Variants in SDC2 observed in about 807,000 individuals in gnomAD.
SDC2 encodes the protein syndecan-2.
Under a neutral mutation model 22.2 loss-of-function variants are expected in SDC2, and 13 were observed. The ratio of observed to expected loss-of-function variants is 0.59; its 90% CI spans 0.38 to 0.93. The LOEUF (loss-of-function observed/expected upper bound fraction) is 0.93. SDC2 is among the 40% of genes least tolerant of loss of function. The pLI is 0.00. For missense variants in SDC2, 235 were observed against 246.8 expected (o/e 0.95, Z 0.32); for synonymous variants, 94 against 92.8 (o/e 1.01, Z -0.07).
chr8:96,600,108 A>T (rs1586324554), intron 2 of SDC2, among the ~76,000 whole-genome samples: 1 of 152,194 alleles, frequency 6.6e-6, no homozygotes, highest in Admixed American at 6.5e-5. Context: ...ACAGTGAGCC[A>T]TGATCGCACC....
At chr8:96,509,012 T>C (rs1813291584) in intron 1 of SDC2, among the ~76,000 whole-genome samples, 1 of 142,362 alleles carries the variant, frequency 7.0e-6, no homozygotes, top group African/African-American at 2.5e-5. Context: ...TATTCTGATT[T>C]CTTTACCAAC....
intron 1 of SDC2, among the ~76,000 whole-genome samples, chr8:96,539,570 A>C (rs1371322906): frequency 6.6e-6 from 1 of 152,268 alleles, no homozygotes; most frequent in East Asian, 1.9e-4. Flanking sequence ...AGTATAGTAC[A>C]TATTTGCTTG....
chr8:96,606,686 AG>A (rs1244260169), intron 3 of SDC2, among the ~76,000 whole-genome samples: 2 of 152,136 alleles, frequency 1.3e-5, no homozygotes, highest in Non-Finnish European at 2.9e-5. Flanking sequence ...AATGCCTTTC[AG>A]GTGATGTGGA....
chr8:96,609,995 C>G lies in SDC2; in HGVS notation c.*447C>G, dbSNP rs1434677274. The G allele has an allele frequency of 6.5e-6, 1 of 152,916 alleles. No homozygotes were observed. Among genetic ancestry groups the G allele is most frequent in the African/African-American group, 2.4e-5 (1 of 41,440 alleles). The allele number at this position is 152,916 out of a possible 1,614,324, so 9.5% of individuals were successfully genotyped here. A position where few individuals can be genotyped will look rare whatever the true frequency, so the allele number is the denominator to read the frequency against. On this transcript the variant is annotated 3_prime_UTR_variant, in exon 5 of 5. Transcript: ENST00000302190. Reference sequence around the variant, plus strand: ...TGTGCCCTTAAAACCAAACCCTATGCCTTTTGTAGCTGTCATGGTGCAATT... The same window carrying G: ...TGTGCCCTTAAAACCAAACCCTATGGCTTTTGTAGCTGTCATGGTGCAATT...
At chr8:96,605,926 G>T (rs1373599470) in intron 3 of SDC2, among the ~76,000 whole-genome samples, 1 of 152,158 alleles carries the variant, frequency 6.6e-6, no homozygotes, top group African/African-American at 2.4e-5. Context: ...GCCCAAGAAG[G>T]TGTGAGGTCT....
intron 1 of SDC2, chr8:96,580,519 T>G: frequency 1.0e-6 from 1 of 985,378 alleles, no homozygotes; most frequent in South Asian, 4.7e-5. Context: ...ACTCATCTTA[T>G]ACCAATTAAA....
chr8:96,496,602 A>G (rs116027756), intron 1 of SDC2, among the ~76,000 whole-genome samples: 2,258 of 152,354 alleles, frequency 0.015, 54 homozygotes, highest in African/African-American at 0.052. Context: ...AATTTAAAAA[A>G]AAATTAGCAA....
At chr8:96,499,004 G>T (rs751273889) in intron 1 of SDC2, among the ~76,000 whole-genome samples, 28 of 152,094 alleles carry the variant, frequency 1.8e-4, no homozygotes, top group Non-Finnish European at 3.4e-4. Flanking sequence ...CCGTGTCCTT[G>T]TTATCATGGC....
At chr8:96,562,803 G>T (rs1201376747) in intron 1 of SDC2, among the ~76,000 whole-genome samples, 2 of 152,116 alleles carry the variant, frequency 1.3e-5, no homozygotes, top group African/African-American at 4.8e-5. Flanking sequence ...CATATCTTAA[G>T]GCTGACCTCC....
At chr8:96,503,268 A>G (rs1444611074) in intron 1 of SDC2, among the ~76,000 whole-genome samples, 3 of 152,244 alleles carry the variant, frequency 2.0e-5, no homozygotes, top group Admixed American at 2.0e-4. Context: ...TCTCTTACTT[A>G]TAATAGTTAA....
rs1187194145 is a variant in SDC2, at chr8:96,578,858, G to A, written c.61-14622G>A. Among the ~76,000 whole-genome samples, 6 of 152,272 alleles carry A rather than the reference G, an allele frequency of 3.9e-5. No homozygotes were observed. The East Asian group carries it at 9.6e-4, about 24-fold the overall frequency. On this transcript the variant is annotated intron_variant, in intron 1 of 4. Transcript: ENST00000302190. ...CTTCTCTAATTTGAGGGGATGATGGGGTGGGTGTGGAAAGGGAATTAAACT... is the reference window on the plus strand; with the variant it reads ...CTTCTCTAATTTGAGGGGATGATGGAGTGGGTGTGGAAAGGGAATTAAACT...
At chr8:96,508,062 C>T (rs962035540) in intron 1 of SDC2, among the ~76,000 whole-genome samples, 3 of 147,520 alleles carry the variant, frequency 2.0e-5, no homozygotes, top group Non-Finnish European at 1.5e-5. Context: ...TTTGGGAGGC[C>T]GAGGCGGGTG....
rs896746030 is a variant in SDC2, at chr8:96,610,102, A to C, written c.*554A>C. 6.6e-6 allele frequency: 1 copy of C among 152,596 alleles called. No homozygotes were observed. Among genetic ancestry groups the C allele is most frequent in the African/African-American group, 2.4e-5 (1 of 41,434 alleles). 9.5% of individuals were successfully genotyped at this position (152,596 alleles called of 1,614,324 possible). ...TAAACTTTAACTTCCACTTTGTATA[A>C]ATTTTTAAGTGTCAGACTATCCATT... On this transcript the variant is annotated 3_prime_UTR_variant, in exon 5 of 5. Coordinates refer to ENST00000302190, the MANE Select transcript of SDC2 (RefSeq NM_002998.4).
chr8:96,534,516 C>T (rs1813720627), intron 1 of SDC2, among the ~76,000 whole-genome samples: 2 of 152,166 alleles, frequency 1.3e-5, no homozygotes, highest in Admixed American at 1.3e-4. Flanking sequence ...CTCACTGTAA[C>T]TTCAAACTCC....
chr8:96,603,061 T>A (rs2130654682), intron 3 of SDC2, among the ~76,000 whole-genome samples: 1 of 152,286 alleles, frequency 6.6e-6, no homozygotes, highest in Non-Finnish European at 1.5e-5. Flanking sequence ...GCTGACTTAT[T>A]AAGAATAAGG....
chr8:96,592,767 G>A (rs1379325773), intron 1 of SDC2, among the ~76,000 whole-genome samples: 4 of 152,232 alleles, frequency 2.6e-5, no homozygotes, highest in African/African-American at 4.8e-5. Flanking sequence ...GAATGTGCTC[G>A]TGTGGGTTTA....
Position 96,609,500 on chromosome 8 carries a change from A to G in SDC2, c.558A>G (p.Pro186=), listed in dbSNP as rs778534081. 4.3e-6 allele frequency: 7 copies of G among 1,611,212 alleles called. No homozygotes were observed. In the Admixed American group the frequency reaches 8.4e-5, roughly 19 times the overall value. Residue 186 remains proline, a synonymous_variant, in exon 5 of 5, where the codon CCA becomes CCG. Coordinates refer to ENST00000302190, the MANE Select transcript of SDC2 (RefSeq NM_002998.4). Reference sequence around the variant, plus strand: ...GCTATGACCTTGGAGAACGCAAACCATCCAGTGCTGCTTATCAGAAGGCAC... The same window carrying G: ...GCTATGACCTTGGAGAACGCAAACCGTCCAGTGCTGCTTATCAGAAGGCAC... ...EGSYDLGERK[P]SSAAYQKAPT...
intron 1 of SDC2, among the ~76,000 whole-genome samples, chr8:96,549,359 C>G (rs982106152): frequency 4.6e-5 from 7 of 152,108 alleles, no homozygotes; most frequent in African/African-American, 1.7e-4. Flanking sequence ...GGCTTGGAGG[C>G]TCTGATGTGA....
At chr8:96,523,646 C>T (rs771576084) in intron 1 of SDC2, among the ~76,000 whole-genome samples, 29 of 152,030 alleles carry the variant, frequency 1.9e-4, no homozygotes, top group Non-Finnish European at 4.0e-4. Flanking sequence ...TAGGAAGAGG[C>T]GGAGACTCAT....
Sources: allele counts gnomAD v4.1 joint callset (sites outside exome capture counted in the v4.1 genomes callset), GRCh38; gene constraint gnomAD v4.1.1; transcripts MANE v1.5; gene names NCBI Gene and HGNC (gene_info 2026-07-23, HGNC 2026-07-21).